Variants in ADARB2 observed in about 807,000 individuals in gnomAD.
The protein encoded by ADARB2 is inactive double-stranded RNA-specific editase B2.
In ADARB2, 25 loss-of-function variants were observed where a neutral mutation model predicts 62.2. The observed-to-expected ratio is 0.40, with a 90% CI of 0.29 to 0.56. The LOEUF (loss-of-function observed/expected upper bound fraction) is 0.56, where lower values mean the gene tolerates loss of function less well. Among genes scored for constraint, ADARB2 ranks in the 20% least tolerant of loss-of-function variants. The pLI is 0.43. For missense variants in ADARB2, 1,071 were observed against 1,077.4 expected, an observed-to-expected ratio of 0.99 and a Z score of 0.08; for synonymous variants, 572 against 500.8, an observed-to-expected ratio of 1.14 and a Z score of -1.90.
intron 6 of ADARB2, among the ~76,000 whole-genome samples, chr10:1,225,492 G>T (rs1830736958): frequency 6.6e-6 from 1 of 152,228 alleles, no homozygotes; most frequent in African/African-American, 2.4e-5. Flanking sequence ...AGTTGATGCA[G>T]TTTCTTCCTA....
intron 1 of ADARB2, among the ~76,000 whole-genome samples, chr10:1,714,927 G>A (rs894909186): frequency 2.0e-5 from 3 of 152,088 alleles, no homozygotes; most frequent in African/African-American, 7.2e-5. Flanking sequence ...ACGTATACAT[G>A]TGCCATGTTG....
chr10:1,567,144 G>A (rs1278257598), intron 1 of ADARB2, among the ~76,000 whole-genome samples: 1 of 152,042 alleles, frequency 6.6e-6, no homozygotes, highest in African/African-American at 2.4e-5. Flanking sequence ...GGTGACTGGG[G>A]GTCCCTGTGA....
chr10:1,670,798 G>A (rs1285806726), intron 1 of ADARB2, among the ~76,000 whole-genome samples: 2 of 152,200 alleles, frequency 1.3e-5, no homozygotes, highest in African/African-American at 4.8e-5. Context: ...TCTCAACGCG[G>A]CCCTGCCTGG....
chr10:1,536,200 T>G (rs983442515), intron 1 of ADARB2, among the ~76,000 whole-genome samples: 19 of 151,942 alleles, frequency 1.3e-4, no homozygotes, highest in Non-Finnish European at 2.5e-4. Flanking sequence ...TTGGGTTAGA[T>G]GGGGTCCTGA....
chr10:1,695,045 C>T (rs955940724), intron 1 of ADARB2, among the ~76,000 whole-genome samples: 10 of 152,170 alleles, frequency 6.6e-5, no homozygotes, highest in Non-Finnish European at 1.2e-4. Context: ...ATGGGCCCCC[C>T]GTGCCAGATA....
intron 1 of ADARB2, among the ~76,000 whole-genome samples, chr10:1,710,428 A>G (rs1834936768): frequency 6.6e-6 from 1 of 152,122 alleles, no homozygotes; most frequent in South Asian, 2.1e-4. Context: ...AATTGCCGAA[A>G]CTCCCTGGGT....
chr10:1,687,818 A>G (rs1035709506), intron 1 of ADARB2, among the ~76,000 whole-genome samples: 50 of 151,746 alleles, frequency 3.3e-4, no homozygotes, highest in African/African-American at 1.2e-3. Context: ...GCCGGGGGGG[A>G]AAACCACCCA....
intron 1 of ADARB2, among the ~76,000 whole-genome samples, chr10:1,488,927 C>T (rs866212603): frequency 2.0e-5 from 3 of 152,212 alleles, no homozygotes; most frequent in Middle Eastern, 3.2e-3. Flanking sequence ...TCAGGGAGAC[C>T]TTATACAGTG....
intron 1 of ADARB2, among the ~76,000 whole-genome samples, chr10:1,641,885 C>T (rs371251668): frequency 7.9e-5 from 12 of 151,982 alleles, no homozygotes; most frequent in African/African-American, 9.7e-5. Context: ...TGGTGGCGGG[C>T]GCCTGTAATC....
chr10:1,515,822 C>T (rs1376432954), intron 1 of ADARB2, among the ~76,000 whole-genome samples: 1 of 152,246 alleles, frequency 6.6e-6, no homozygotes, highest in Non-Finnish European at 1.5e-5. Flanking sequence ...ATGCTATTCT[C>T]ACTCAGCCGA....
intron 3 of ADARB2, among the ~76,000 whole-genome samples, chr10:1,294,476 G>C (rs1250992318): frequency 6.6e-6 from 1 of 152,114 alleles, no homozygotes; most frequent in African/African-American, 2.4e-5. Flanking sequence ...TCACCTGATG[G>C]CGTTTCACCT....
chr10:1,570,466 G>T (rs1004071563), intron 1 of ADARB2, among the ~76,000 whole-genome samples: 1 of 152,158 alleles, frequency 6.6e-6, no homozygotes, highest in Non-Finnish European at 1.5e-5. Context: ...CATGCTCACC[G>T]CACGGCAGGA....
chr10:1,613,585 T>G (rs573051353), intron 1 of ADARB2, among the ~76,000 whole-genome samples: 9 of 152,276 alleles, frequency 5.9e-5, no homozygotes, highest in Non-Finnish European at 1.2e-4. Flanking sequence ...CAGAGCTGAG[T>G]AAACTATTAG....
intron 1 of ADARB2, among the ~76,000 whole-genome samples, chr10:1,615,514 A>G (rs1048723555): frequency 4.6e-5 from 7 of 152,172 alleles, no homozygotes; most frequent in African/African-American, 1.4e-4. Flanking sequence ...CACCCGGGAG[A>G]GTGTGTCTTA....
intron 1 of ADARB2, among the ~76,000 whole-genome samples, chr10:1,711,827 A>C (rs1354356167): frequency 6.6e-6 from 1 of 152,230 alleles, no homozygotes; most frequent in Non-Finnish European, 1.5e-5. Flanking sequence ...TAGGATAAGA[A>C]GAGGCTCTGA....
At chr10:1,651,175 C>T (rs949322010) in intron 1 of ADARB2, among the ~76,000 whole-genome samples, 3 of 152,224 alleles carry the variant, frequency 2.0e-5, no homozygotes, top group Non-Finnish European at 2.9e-5. Flanking sequence ...GGACAGTTCT[C>T]GCCACAGCGT....
intron 1 of ADARB2, among the ~76,000 whole-genome samples, chr10:1,705,551 C>T (rs1834878254): frequency 6.6e-6 from 1 of 152,168 alleles, no homozygotes; most frequent in African/African-American, 2.4e-5. Flanking sequence ...GAACAGAATG[C>T]AATGGAGATT....
At chr10:1,533,369 C>T (rs1192885101) in intron 1 of ADARB2, among the ~76,000 whole-genome samples, 1 of 150,916 alleles carries the variant, frequency 6.6e-6, no homozygotes, top group East Asian at 1.9e-4. Flanking sequence ...ACCTCGTGAT[C>T]TGCCTGCCTT....
At chr10:1,589,760 G>A (rs1403923074) in intron 1 of ADARB2, among the ~76,000 whole-genome samples, 1 of 152,188 alleles carries the variant, frequency 6.6e-6, no homozygotes, top group South Asian at 2.1e-4. Flanking sequence ...CACAACCTCC[G>A]CTTCCTGAGT....
Sources: gnomAD v4.1 joint callset for allele counts (sites outside exome capture counted in the v4.1 genomes callset) on GRCh38, gnomAD v4.1.1 for gene constraint, MANE v1.5 for transcripts, NCBI Gene and HGNC (gene_info 2026-07-23, HGNC 2026-07-21) for gene names.